Variants in RBM47 observed in about 807,000 individuals in gnomAD.
RBM47 encodes RNA binding motif protein 47.
A neutral mutation model predicts 47.1 loss-of-function variants in RBM47; 21 were observed. The ratio of observed to expected loss-of-function variants is 0.45; its 90% CI spans 0.32 to 0.64. RBM47 has a LOEUF of 0.64. RBM47 is among the 30% of genes least tolerant of loss of function. RBM47 has a pLI of 0.05. For missense variants in RBM47, 708 were observed against 870.9 expected (o/e 0.81, Z 2.35); for synonymous variants, 375 against 361.7 (o/e 1.04, Z -0.42).
At chr4:40,566,322 G>A (rs1017299151) in intron 1 of RBM47, among the ~76,000 whole-genome samples, 4 of 152,092 alleles carry the variant, frequency 2.6e-5, no homozygotes, top group Non-Finnish European at 4.4e-5. Flanking sequence ...GGGATGAACT[G>A]TGGAGTCACC....
rs1467434768 is a variant in RBM47 at position 40,480,124 on chromosome 4, TCC to T, written c.-154-13427_-154-13426del. 4.3e-4 allele frequency among the ~76,000 whole-genome samples: 65 copies of T among 151,814 alleles called. 1 individual carries two copies. In the South Asian group the frequency reaches 4.7e-3, roughly 11 times the overall value. ...TCCTGAGTAGCTGGGATTACAGGTG[TCC>T]GCCACCATGCCTGACTAATTTTTGT... On this transcript the variant is annotated intron_variant, in intron 2 of 6. Transcript: ENST00000295971.
chr4:40,561,248 T>TTG (rs1730591675), intron 1 of RBM47, among the ~76,000 whole-genome samples: 1 of 139,024 alleles, frequency 7.2e-6, no homozygotes, highest in African/African-American at 2.7e-5. Flanking sequence ...TTTTTTTTTT[T>TTG]GAGACGGAGT....
rs184277421 is a variant in RBM47 at position 40,481,601 on chromosome 4, G to C, written c.-154-14902C>G. Among the ~76,000 whole-genome samples the C allele has an allele frequency of 9.2e-3, 1,381 of 150,160 alleles. 7 individuals carry two copies. Among genetic ancestry groups the C allele is most frequent in the Non-Finnish European group, 0.015 (983 of 67,624 alleles). ...GAGTCTCGCTCTGTTGCCCAGGCTAGAGTGCAGTGGCATGATCTCAGCTCA... is the reference window on the plus strand; with the variant it reads ...GAGTCTCGCTCTGTTGCCCAGGCTACAGTGCAGTGGCATGATCTCAGCTCA... On this transcript the variant is annotated intron_variant, in intron 2 of 6. Coordinates refer to ENST00000295971, the MANE Select transcript of RBM47 (RefSeq NM_001098634.2).
chr4:40,475,866 G>T (rs1174718288), intron 2 of RBM47: 1 of 152,180 alleles, frequency 6.6e-6, no homozygotes, highest in Non-Finnish European at 1.5e-5. Flanking sequence ...TTTGCTAAGG[G>T]CACCTGGAAT....
rs189009824 is a variant in RBM47 at position 40,528,271 on chromosome 4, C to T, written c.-155+16151G>A. Among the ~76,000 whole-genome samples the T allele has an allele frequency of 1.1e-3, 163 of 152,050 alleles. 1 individual carries two copies. Among genetic ancestry groups the T allele is most frequent in the African/African-American group, 3.5e-3 (146 of 41,470 alleles). ...ATTAAAAATACAAAAATTAGTTGGG[C>T]GTGGTGGCACGCCTGTAGTCCCAGC... On this transcript the variant is annotated intron_variant, in intron 2 of 6. Coordinates refer to ENST00000295971, the MANE Select transcript of RBM47 (RefSeq NM_001098634.2).
chr4:40,577,435 A>C (rs1732446220), intron 1 of RBM47, among the ~76,000 whole-genome samples: 1 of 152,108 alleles, frequency 6.6e-6, no homozygotes, highest in South Asian at 2.1e-4. Flanking sequence ...CAGCCTCAGA[A>C]AGATCAGGGA....
intron 1 of RBM47, among the ~76,000 whole-genome samples, chr4:40,614,890 C>G (rs1736582306): frequency 1.3e-5 from 2 of 151,900 alleles, no homozygotes; most frequent in South Asian, 4.2e-4. Flanking sequence ...GGGCAAGTTA[C>G]TAGATAGCGC....
At chr4:40,546,813 G>T (rs911560752) in intron 1 of RBM47, among the ~76,000 whole-genome samples, 3 of 152,182 alleles carry the variant, frequency 2.0e-5, no homozygotes, top group Non-Finnish European at 2.9e-5. Flanking sequence ...TGGAGGTGGT[G>T]CCATGTCATT....
At chr4:40,556,439 G>A (rs890861706) in intron 1 of RBM47, among the ~76,000 whole-genome samples, 4 of 151,600 alleles carry the variant, frequency 2.6e-5, no homozygotes, top group Non-Finnish European at 4.4e-5. Flanking sequence ...ACTTTGGGAG[G>A]CCAAGGTAGG....
chr4:40,615,041 G>A (rs1181064223), intron 1 of RBM47, among the ~76,000 whole-genome samples: 3 of 151,940 alleles, frequency 2.0e-5, no homozygotes, highest in African/African-American at 7.3e-5. Flanking sequence ...CAGAAGGATC[G>A]TTTGAACACA....
At chr4:40,451,714 A>G (rs760384898) in intron 3 of RBM47, among the ~76,000 whole-genome samples, 3 of 152,246 alleles carry the variant, frequency 2.0e-5, no homozygotes, top group Non-Finnish European at 2.9e-5. Flanking sequence ...ATGTGGTAAA[A>G]TAAATGATTA....
chr4:40,516,990 G>A (rs1179185026), intron 2 of RBM47, among the ~76,000 whole-genome samples: 3 of 152,006 alleles, frequency 2.0e-5, no homozygotes, highest in African/African-American at 7.3e-5. Context: ...TGCATGCTAG[G>A]GATTAATTAC....
chr4:40,440,989 ATTCTT>A (rs1713536106), intron 3 of RBM47, among the ~76,000 whole-genome samples: 1 of 152,174 alleles, frequency 6.6e-6, no homozygotes, highest in East Asian at 1.9e-4. Context: ...CGTGGCTTCT[ATTCTT>A]ATTATTTTTT....
At chr4:40,430,641 T>C (rs1715834439) in intron 6 of RBM47, among the ~76,000 whole-genome samples, 1 of 152,066 alleles carries the variant, frequency 6.6e-6, no homozygotes, top group East Asian at 1.9e-4. Flanking sequence ...GTGTTCAGAG[T>C]GGGCAAAAGC....
chr4:40,501,950 T>C (rs577246283), intron 2 of RBM47: 1 of 153,482 alleles, frequency 6.5e-6, no homozygotes, highest in South Asian at 2.1e-4. Context: ...CAGAATTCCC[T>C]TTCTGATGCT....
intron 2 of RBM47, among the ~76,000 whole-genome samples, chr4:40,478,958 T>C (rs929112976): frequency 2.0e-5 from 3 of 152,144 alleles, no homozygotes; most frequent in Admixed American, 2.0e-4. Context: ...GACTAAAGCA[T>C]AAAAGAAATT....
At chr4:40,627,010 T>C (rs1737806012) in intron 1 of RBM47, among the ~76,000 whole-genome samples, 1 of 152,240 alleles carries the variant, frequency 6.6e-6, no homozygotes, top group Non-Finnish European at 1.5e-5. Context: ...CTTTATCCAG[T>C]TGCTCTTTGA....
At chr4:40,606,539 C>T (rs950886947) in intron 1 of RBM47, among the ~76,000 whole-genome samples, 13 of 152,074 alleles carry the variant, frequency 8.5e-5, no homozygotes, top group Non-Finnish European at 1.8e-4. Flanking sequence ...ACAGTTTCAC[C>T]GACGGCCCGC....
chr4:40,464,116 T>C (rs138807770), intron 3 of RBM47, among the ~76,000 whole-genome samples: 318 of 152,340 alleles, frequency 2.1e-3, no homozygotes, highest in Non-Finnish European at 3.7e-3. Context: ...ATAGTATATA[T>C]TTACACGTAA....
Sources: gnomAD v4.1 joint callset for allele counts (sites outside exome capture counted in the v4.1 genomes callset) on GRCh38, gnomAD v4.1.1 for gene constraint, MANE v1.5 for transcripts, NCBI Gene and HGNC (gene_info 2026-07-23, HGNC 2026-07-21) for gene names.